PRKG1: variants seen among roughly 807,000 people sequenced by gnomAD.
The protein encoded by PRKG1 is protein kinase cGMP-dependent 1.
Under a neutral mutation model 88.1 loss-of-function variants are expected in PRKG1, and 35 were observed. The observed-to-expected ratio is 0.40, with a 90% CI of 0.30 to 0.53. The LOEUF (loss-of-function observed/expected upper bound fraction) is 0.53, where lower values mean the gene tolerates loss of function less well. Ranked by LOEUF, PRKG1 falls within the 20% of genes least tolerant of loss-of-function variation. The pLI is 0.59. For missense variants in PRKG1, 540 were observed against 839.8 expected (o/e 0.64, Z 4.41); for synonymous variants, 303 against 292.5 (o/e 1.04, Z -0.37).
chr10:51,304,289 T>C (rs1243814543), intron 2 of PRKG1, among the ~76,000 whole-genome samples: 1 of 152,076 alleles, frequency 6.6e-6, no homozygotes, highest in Non-Finnish European at 1.5e-5. Context: ...GTAAATATCA[T>C]ATAGTCACGT....
chr10:51,219,450 C>T (rs1347108938), intron 2 of PRKG1, among the ~76,000 whole-genome samples: 1 of 152,048 alleles, frequency 6.6e-6, no homozygotes, highest in Non-Finnish European at 1.5e-5. Context: ...TGGCTCACAC[C>T]TGTAATCCCA....
chr10:51,075,071 G>C (rs1843913281), intron 1 of PRKG1, among the ~76,000 whole-genome samples, 170 bp downstream of exon 1: 1 of 152,184 alleles, frequency 6.6e-6, no homozygotes. Context: ...GTTTCTCAGA[G>C]CCAGACTCAC....
chr10:51,255,258 T>A (rs1423891247), intron 2 of PRKG1, among the ~76,000 whole-genome samples: 1 of 152,126 alleles, frequency 6.6e-6, no homozygotes, highest in Admixed American at 6.6e-5. Flanking sequence ...GGCAAACAGA[T>A]GTCTTAATTT....
At chr10:51,123,021 A>G (rs951185899) in intron 1 of PRKG1, among the ~76,000 whole-genome samples, 5 of 152,140 alleles carry the variant, frequency 3.3e-5, no homozygotes, top group Admixed American at 6.5e-5. Context: ...ACCTTCCTCA[A>G]AATTATTCAA....
chr10:52,028,152 A>G (rs1472515837), intron 5 of PRKG1, among the ~76,000 whole-genome samples: 3 of 146,898 alleles, frequency 2.0e-5, no homozygotes, highest in African/African-American at 7.3e-5. Context: ...AAGGGTTACT[A>G]TTCCTGCCCT....
intron 8 of PRKG1, among the ~76,000 whole-genome samples, chr10:52,144,540 G>T (rs1837674916): frequency 6.6e-6 from 1 of 152,210 alleles, no homozygotes; most frequent in East Asian, 1.9e-4. Flanking sequence ...GCCAGGCACA[G>T]TGGCTCATGC....
intron 3 of PRKG1, among the ~76,000 whole-genome samples, chr10:51,774,048 T>A (rs1230982926): frequency 1.3e-5 from 2 of 152,138 alleles, no homozygotes; most frequent in South Asian, 2.1e-4. Flanking sequence ...CTTACATTAT[T>A]GTCTCAGTTG....
Position 51,856,173 on chromosome 10 carries a change from G to A in PRKG1, c.699-51334G>A, listed in dbSNP as rs375214908. Among the ~76,000 whole-genome samples, 28 of 152,208 alleles carry A rather than the reference G, an allele frequency of 1.8e-4. No homozygotes were observed. The East Asian group carries it at 3.7e-3, about 20-fold the overall frequency. Reference sequence around the variant, plus strand: ...ATAAGGACCCTTGCAGTTACATTTAGAGCCCACCCATATAATCCAGGATAA... The same window carrying A: ...ATAAGGACCCTTGCAGTTACATTTAAAGCCCACCCATATAATCCAGGATAA... On this transcript the variant is annotated intron_variant, in intron 4 of 17. Transcript: ENST00000373980.
chr10:52,128,521 C>T lies in PRKG1; in HGVS notation c.936-5319C>T, dbSNP rs774343908. 3.0e-5 allele frequency: 30 copies of T among 985,288 alleles called. 1 individual carries two copies. The highest frequency in any genetic ancestry group is 1.2e-4 in the Admixed American group (2 of 16,254). The allele number at this position is 985,288 out of a possible 1,614,324, so 61.0% of individuals were successfully genotyped here. ...ACAGCGATGATGAAGATTCCAGTGA[C>T]GAAGTTCAAAGAATATCAGAGTCAG... On this transcript the variant is annotated intron_variant, in intron 7 of 17. Coordinates refer to ENST00000373980, the MANE Select transcript of PRKG1 (RefSeq NM_006258.4).
chr10:51,388,635 A>G (rs1022084865), intron 2 of PRKG1, among the ~76,000 whole-genome samples: 6 of 152,184 alleles, frequency 3.9e-5, no homozygotes, highest in Non-Finnish European at 5.9e-5. Context: ...TTTCCAATTA[A>G]ATTCTCCTAA....
At chr10:51,040,972 T>C (rs1468829633) in intron 1 of PRKG1, among the ~76,000 whole-genome samples, 1 of 152,136 alleles carries the variant, frequency 6.6e-6, no homozygotes, top group Admixed American at 6.5e-5. Flanking sequence ...ATGCCTTTTG[T>C]TTCTTTCTCT....
chr10:51,466,762 G>A (rs1839917315), intron 2 of PRKG1, among the ~76,000 whole-genome samples: 1 of 151,992 alleles, frequency 6.6e-6, no homozygotes, highest in South Asian at 2.1e-4. Context: ...GAACAATTAT[G>A]AAATCAAAGT....
chr10:51,485,919 C>T (rs1415560755), intron 3 of PRKG1, among the ~76,000 whole-genome samples: 1 of 152,054 alleles, frequency 6.6e-6, no homozygotes, highest in African/African-American at 2.4e-5. Context: ...GCAAGATAGA[C>T]TCTCCCCAGC....
At chr10:51,313,134 A>G (rs1234384601) in intron 2 of PRKG1, among the ~76,000 whole-genome samples, 1 of 151,720 alleles carries the variant, frequency 6.6e-6, no homozygotes, top group Non-Finnish European at 1.5e-5. Flanking sequence ...GTCATATAGG[A>G]CATTCTTCCT....
chr10:51,047,617 CAAAAAAA>C (rs142049774), intron 1 of PRKG1, among the ~76,000 whole-genome samples: 3 of 125,910 alleles, frequency 2.4e-5, no homozygotes, highest in Non-Finnish European at 5.1e-5. Context: ...TTATTATTTC[CAAAAAAA>C]AAAAAAAAAA....
intron 3 of PRKG1, among the ~76,000 whole-genome samples, chr10:51,522,545 A>G (rs1841761420): frequency 6.6e-6 from 1 of 152,152 alleles, no homozygotes; most frequent in Admixed American, 6.5e-5. Context: ...ACCATCTTTA[A>G]CATTTTCATC....
intron 1 of PRKG1, among the ~76,000 whole-genome samples, chr10:51,128,239 AAT>A (rs10583192): frequency 0.79 from 120,482 of 151,732 alleles, 48,446 homozygotes; most frequent in South Asian, 0.88. Flanking sequence ...TAGGAATATA[AAT>A]ATATCAATTC....
At chr10:51,665,500 T>C (rs1840401560) in intron 3 of PRKG1, among the ~76,000 whole-genome samples, 1 of 152,146 alleles carries the variant, frequency 6.6e-6, no homozygotes, top group African/African-American at 2.4e-5. Context: ...ATAGTCAACA[T>C]TTTATTTAAG....
intron 3 of PRKG1, among the ~76,000 whole-genome samples, chr10:51,738,064 G>A (rs898465749): frequency 5.3e-5 from 8 of 151,892 alleles, no homozygotes; most frequent in African/African-American, 9.7e-5. Context: ...CACTGCACCC[G>A]GCTGAATTCT....
Sources: gnomAD v4.1 joint callset for allele counts (sites outside exome capture counted in the v4.1 genomes callset) on GRCh38, gnomAD v4.1.1 for gene constraint, MANE v1.5 for transcripts, NCBI Gene and HGNC (gene_info 2026-07-23, HGNC 2026-07-21) for gene names.